Variants in KCNK16 observed in about 807,000 individuals in gnomAD.
The protein encoded by KCNK16 is potassium two pore domain channel subfamily K member 16, also known as potassium channel subfamily K member 16.
Under a neutral mutation model 23.0 loss-of-function variants are expected in KCNK16, and 23 were observed. That is an observed-to-expected ratio of 1.00 (90% confidence interval 0.72 to 1.41). KCNK16 has a LOEUF of 1.41. Ranked by LOEUF, KCNK16 falls within the 40% of genes most tolerant of loss-of-function variation. The pLI is 0.00. For synonymous variants in KCNK16, 145 were observed against 153.5 expected (o/e 0.94, Z 0.41); for missense variants, 327 against 365.8 (o/e 0.89, Z 0.87).
intron 3 of KCNK16, 60 bp downstream of exon 3, chr6:39,317,726 G>T: frequency 6.8e-7 from 1 of 1,466,420 alleles, no homozygotes; most frequent in East Asian, 2.5e-5. Context: ...TCGGCTTCTG[G>T]GGAACTCCAC....
chr6:39,315,260 A>G, downstream of KCNK16: 1 of 1,600,672 alleles, frequency 6.2e-7, no homozygotes, highest in South Asian at 1.1e-5. Flanking sequence ...GCAGTCTGGC[A>G]GGGGAAAGGC....
In KCNK16 at chr6:39,319,126, A is replaced by T; in HGVS notation, c.221T>A (p.Met74Lys). ...GTTCACACCTTTCACCCAGGCTTCC[A>T]TGATGACCTGTAGGGGGTGGCATGG... is the stretch of plus-strand genomic sequence containing the variant. ...WAMEQFVQVI[M>K]EAWVKGVNPK... Residue 74 changes from methionine to lysine, a missense_variant, in exon 2 of 5, where the codon ATG becomes AAG. Met to Lys is a moderately conservative substitution (Grantham distance 95, BLOSUM62 -1). Coordinates refer to ENST00000437525, the MANE Select transcript of KCNK16 (RefSeq NM_001135106.2). The surrounding 1 kb of genome is among the most constrained non-coding windows in gnomAD (Gnocchi z 4.2). The T allele has an allele frequency of 6.2e-7, 1 of 1,609,814 alleles. No individual in the cohort carries two copies. The highest frequency in any genetic ancestry group is 1.3e-5 in the African/African-American group (1 of 74,940).
chr6:39,319,094 C>CT lies in KCNK16; in HGVS notation c.252dup (p.Gly85ArgfsTer52), dbSNP rs769288067. 3 of 1,614,076 alleles carry CT rather than the reference C, an allele frequency of 1.9e-6. No homozygotes were observed. In the South Asian group the frequency reaches 3.3e-5, roughly 18 times the overall value. Reference sequence around the variant, plus strand: ...CAGTTGCTGGGGTTGGTAGAGTTGCCTTTGGGGTTCACACCTTTCACCCAG... The same window carrying CT: ...CAGTTGCTGGGGTTGGTAGAGTTGCCTTTTGGGGTTCACACCTTTCACCCAG... On this transcript the variant is annotated frameshift_variant, in exon 2 of 5. Coordinates refer to ENST00000437525, the MANE Select transcript of KCNK16 (RefSeq NM_001135106.2). LOFTEE classifies it high-confidence loss of function. The surrounding 1 kb of genome is among the most constrained non-coding windows in gnomAD (Gnocchi z 4.2).
chr6:39,315,216 G>A (rs759447682), downstream of KCNK16: 34 of 1,613,924 alleles, frequency 2.1e-5, no homozygotes, highest in Non-Finnish European at 2.9e-5. Context: ...GCCCCGGGAT[G>A]GAGTGGTCTA....
chr6:39,322,009 A>G (rs112635562), intron 1 of KCNK16, among the ~76,000 whole-genome samples: 2,510 of 152,360 alleles, frequency 0.016, 57 homozygotes, highest in African/African-American at 0.057. Flanking sequence ...CCATTCATCC[A>G]GCAAGTGACA....
At chr6:39,314,817 C>T (rs1762247645), downstream of KCNK16, 2 of 626,818 alleles carry the variant, frequency 3.2e-6, no homozygotes, top group Non-Finnish European at 5.5e-6. Context: ...GTCTCCCACA[C>T]CTCTGTCCTT....
rs1762435016 is a variant in KCNK16, at chr6:39,319,415, G to T, written c.214-282C>A. On this transcript the variant is annotated intron_variant, in intron 1 of 4. Coordinates refer to ENST00000437525, the MANE Select transcript of KCNK16 (RefSeq NM_001135106.2). The surrounding 1 kb of genome is among the most constrained non-coding windows in gnomAD (Gnocchi z 4.2). ...AAGCATGGGCTGGGGCGGGAGATGG[G>T]CCTGAGGGGTGAGGTGGAGGATGCT... 6.6e-6 allele frequency among the ~76,000 whole-genome samples: 1 copy of T among 152,168 alleles called. No individual in the cohort carries two copies. The highest frequency in any genetic ancestry group is 1.5e-5 in the Non-Finnish European group (1 of 68,026).
Position 39,317,559 on chromosome 6 carries a change from T to G in KCNK16, c.495+227A>C, listed in dbSNP as rs145990814. Among the ~76,000 whole-genome samples the G allele has an allele frequency of 4.9e-3, 741 of 152,336 alleles. 8 individuals are homozygous for G. Among genetic ancestry groups the G allele is most frequent in the African/African-American group, 0.015 (638 of 41,574 alleles). ...CTGGTTCCGCCCACTGTGGGACAAC[T>G]CTGACAGCTCTCACATGCTGTAGAG... On this transcript the variant is annotated intron_variant, in intron 3 of 4. Coordinates refer to ENST00000437525, the MANE Select transcript of KCNK16 (RefSeq NM_001135106.2).
At chr6:39,314,638 G>A (rs1762241705), downstream of KCNK16, 4 of 422,806 alleles carry the variant, frequency 9.5e-6, no homozygotes, top group Non-Finnish European at 1.7e-5. Flanking sequence ...GGGGCCCAGA[G>A]CCCCCTCACA....
intron 4 of KCNK16, 62 bp downstream of exon 4, chr6:39,316,720 T>G: frequency 1.3e-6 from 2 of 1,559,642 alleles, no homozygotes; most frequent in Non-Finnish European, 1.7e-6. Flanking sequence ...CTGACATCTC[T>G]CCATCCCCCA....
intron 3 of KCNK16, 70 bp from the exon 4 acceptor site, chr6:39,317,017 C>A: frequency 6.7e-7 from 1 of 1,487,810 alleles, no homozygotes; most frequent in Non-Finnish European, 9.1e-7. Flanking sequence ...TGGGGGGAGT[C>A]TGGGGTAAAC....
downstream of KCNK16, chr6:39,315,100 C>T: frequency 6.2e-7 from 1 of 1,613,570 alleles, no homozygotes; most frequent in African/African-American, 1.3e-5. Context: ...CTGCCTGGAG[C>T]CGCCTTGGCT....
chr6:39,322,465 G>A lies in KCNK16; in HGVS notation c.76C>T (p.Leu26=). The A allele has an allele frequency of 3.1e-6, 5 of 1,613,960 alleles. No individual in the cohort carries two copies. Among genetic ancestry groups the A allele is most frequent in the Non-Finnish European group, 4.2e-6 (5 of 1,180,000 alleles). ...AGCTGGAAGATAGTGGCACCGAGCAGCAGGTAGCAGACATAGGCCAGCAGC... is the reference window on the plus strand; with the variant it reads ...AGCTGGAAGATAGTGGCACCGAGCAACAGGTAGCAGACATAGGCCAGCAGC... The part of the protein sequence containing the change: ...PLLLAYVCYL[L]LGATIFQLLE... Residue 26 remains leucine, a synonymous_variant, in exon 1 of 5, where the codon CTG becomes TTG. Coordinates refer to ENST00000437525, the MANE Select transcript of KCNK16 (RefSeq NM_001135106.2).
chr6:39,315,927 G>A (rs1762290783), downstream of KCNK16, among the ~76,000 whole-genome samples: 1 of 152,216 alleles, frequency 6.6e-6, no homozygotes, highest in South Asian at 2.1e-4. Flanking sequence ...AAGGGGGCAT[G>A]GGGAGGGCAG....
chr6:39,316,875 C>G lies in KCNK16; in HGVS notation c.568G>C (p.Val190Leu), dbSNP rs777772336. Residue 190 changes from valine to leucine, a missense_variant, in exon 4 of 5, where the codon GTC becomes CTC. Coordinates refer to ENST00000437525, the MANE Select transcript of KCNK16 (RefSeq NM_001135106.2). ...TLVILIFPPM[V>L]FSHVEGWSFS... ...CTCCAGCCCTCCACATGGCTGAAGA[C>G]CATGGGTGGGAAGATGAGAATGACC... 1.9e-6 allele frequency: 3 copies of G among 1,613,928 alleles called. No homozygotes were observed. Among genetic ancestry groups the G allele is most frequent in the Non-Finnish European group, 1.7e-6 (2 of 1,179,962 alleles).
rs61751240 is a variant in KCNK16 at position 39,319,044 on chromosome 6, A to C, written c.303T>G (p.Phe101Leu). The C allele has an allele frequency of 1.2e-6, 2 of 1,613,856 alleles. No individual in the cohort carries two copies. The highest frequency in any genetic ancestry group is 2.2e-5 in the East Asian group (1 of 44,870). Residue 101 changes from phenylalanine to leucine, a missense_variant, in exon 2 of 5, where the codon TTT becomes TTG. By Grantham distance (22) the Phe-to-Leu change is conservative. Transcript: ENST00000437525. This position sits in a 1 kb window ranked among gnomAD's most constrained non-coding sequence, Gnocchi z 4.2. ...SNWDFGSSFF[F>L]AGTVVTTIGY... ...CTATGGTAGTGACGACTGTGCCTGC[A>C]AAGAAGAAACTGCTGCCAAAGTCCC...
chr6:39,316,821 T>G lies in KCNK16; in HGVS notation c.622A>C (p.Ile208Leu), dbSNP rs41273132. ...CCAAAGCCAATGGTGCTGAGAGTGA[T>G]GAAAGCAAAGTAGAAGCCCTCGCTG... ...SFSEGFYFAF[I>L]TLSTIGFGDY... Residue 208 changes from isoleucine to leucine, a missense_variant, in exon 4 of 5, where the codon ATC (isoleucine) becomes CTC (leucine). Coordinates refer to ENST00000437525, the MANE Select transcript of KCNK16 (RefSeq NM_001135106.2). 3,701 of 1,614,082 alleles carry G rather than the reference T, an allele frequency of 2.3e-3. 7 individuals carry two copies. Among genetic ancestry groups the G allele is most frequent in the Non-Finnish European group, 2.7e-3 (3,233 of 1,180,014 alleles).
intron 1 of KCNK16, among the ~76,000 whole-genome samples, chr6:39,321,035 C>A (rs990222378): frequency 3.3e-5 from 5 of 152,180 alleles, no homozygotes; most frequent in African/African-American, 1.2e-4. Context: ...AGAATGTTGT[C>A]TGTGACCACC....
downstream of KCNK16, chr6:39,315,037 C>G (rs147542213): frequency 2.8e-5 from 45 of 1,613,024 alleles, no homozygotes; most frequent in African/African-American, 5.7e-4. Context: ...ATGGGGAAGT[C>G]CTGGGGTGTG....
Sources: allele counts gnomAD v4.1 joint callset (sites outside exome capture counted in the v4.1 genomes callset), GRCh38; gene constraint gnomAD v4.1.1; non-coding constraint Gnocchi (gnomAD v3.1); transcripts MANE v1.5; gene names NCBI Gene and HGNC (gene_info 2026-07-23, HGNC 2026-07-21).